Variants in SLIT2 observed in about 807,000 individuals in gnomAD.
SLIT2 encodes slit homolog 2 protein.
SLIT2 carries 41 observed loss-of-function variants against 185.7 expected under a neutral mutation model. The observed-to-expected ratio is 0.22, with a 90% CI of 0.17 to 0.29. SLIT2 has a LOEUF of 0.29. SLIT2 is among the 10% of genes least tolerant of loss of function. SLIT2 has a pLI of 1.00. For missense variants in SLIT2, 1,571 were observed against 1,909.0 expected (o/e 0.82, Z 3.30); for synonymous variants, 693 against 680.2 (o/e 1.02, Z -0.29).
At chr4:20,549,631 G>A (rs1158648891) in intron 24 of SLIT2, among the ~76,000 whole-genome samples, 1 of 151,582 alleles carries the variant, frequency 6.6e-6, no homozygotes, top group African/African-American at 2.4e-5. Context: ...TAGGCCCATG[G>A]CTATATAGCT....
At chr4:20,415,901 T>G (rs536891807) in intron 4 of SLIT2, among the ~76,000 whole-genome samples, 30 of 152,302 alleles carry the variant, frequency 2.0e-4, no homozygotes, top group African/African-American at 6.7e-4. Flanking sequence ...AGATTATAAA[T>G]AGTTTGTGAG....
chr4:20,501,398 A>T (rs148439643), intron 9 of SLIT2, among the ~76,000 whole-genome samples: 1,999 of 152,116 alleles, frequency 0.013, 26 homozygotes, highest in South Asian at 0.073. Flanking sequence ...CAATCCTCCC[A>T]CCTCAGCCTC....
chr4:20,283,436 C>A (rs1714984057), intron 4 of SLIT2, among the ~76,000 whole-genome samples: 1 of 151,920 alleles, frequency 6.6e-6, no homozygotes, highest in African/African-American at 2.4e-5. Flanking sequence ...AGTATTTTTG[C>A]CAAGACCAAT....
rs148529937 is a variant in SLIT2, at chr4:20,587,743, G to A, written c.3089-1901G>A. 8.0e-3 allele frequency among the ~76,000 whole-genome samples: 1,222 copies of A among 152,286 alleles called. 17 individuals carry two copies. The highest frequency in any genetic ancestry group is 0.028 in the African/African-American group (1,157 of 41,550). On this transcript the variant is annotated intron_variant, in intron 29 of 36. Coordinates refer to ENST00000504154, the MANE Select transcript of SLIT2 (RefSeq NM_004787.4). ...AGCAGAGTCCATTACATTCATCCTT[G>A]TAGCTCCAGCCTCTAGCACAACATC... is the stretch of plus-strand genomic sequence containing the variant.
chr4:20,344,431 G>C (rs965531294), intron 4 of SLIT2, among the ~76,000 whole-genome samples: 4 of 151,890 alleles, frequency 2.6e-5, no homozygotes, highest in Non-Finnish European at 5.9e-5. Flanking sequence ...TATTTCTCTC[G>C]GTCTCTCTCT....
At chr4:20,455,912 T>C (rs1313488909) in intron 4 of SLIT2, among the ~76,000 whole-genome samples, 2 of 152,162 alleles carry the variant, frequency 1.3e-5, no homozygotes, top group Non-Finnish European at 2.9e-5. Context: ...TTTCTAGGCA[T>C]TTTTTCAACT....
chr4:20,311,617 A>C (rs1718115532), intron 4 of SLIT2, among the ~76,000 whole-genome samples: 1 of 152,200 alleles, frequency 6.6e-6, no homozygotes, highest in Admixed American at 6.5e-5. Context: ...TGTTCTTAAG[A>C]ATAAGAACAT....
intron 3 of SLIT2, among the ~76,000 whole-genome samples, chr4:20,262,989 T>G (rs1173681062): frequency 1.3e-5 from 2 of 151,762 alleles, no homozygotes; most frequent in Non-Finnish European, 2.9e-5. Context: ...TGGGTCCTCT[T>G]TTGTGACAGT....
intron 4 of SLIT2, among the ~76,000 whole-genome samples, chr4:20,292,977 C>T (rs1484033242): frequency 1.3e-5 from 2 of 151,942 alleles, no homozygotes; most frequent in Non-Finnish European, 2.9e-5. Context: ...GGGGTATCTG[C>T]GAAGGCAATA....
chr4:20,328,452 A>C (rs1228677847), intron 4 of SLIT2, among the ~76,000 whole-genome samples: 1 of 152,028 alleles, frequency 6.6e-6, no homozygotes, highest in African/African-American at 2.4e-5. Flanking sequence ...CAAACTCCTA[A>C]AATTTGCTAT....
chr4:20,364,958 A>G (rs781665605), intron 4 of SLIT2, among the ~76,000 whole-genome samples: 2 of 152,078 alleles, frequency 1.3e-5, no homozygotes, highest in African/African-American at 2.4e-5. Context: ...AACATTTCAG[A>G]TGCACCGTAC....
chr4:20,352,952 G>T (rs1443678465), intron 4 of SLIT2, among the ~76,000 whole-genome samples: 1 of 152,128 alleles, frequency 6.6e-6, no homozygotes, highest in African/African-American at 2.4e-5. Flanking sequence ...GAACAAATTT[G>T]CAGTAAAACA....
intron 34 of SLIT2, among the ~76,000 whole-genome samples, chr4:20,613,402 G>A (rs932688844): frequency 6.6e-6 from 1 of 152,128 alleles, no homozygotes; most frequent in Non-Finnish European, 1.5e-5. Flanking sequence ...ACTAACACAG[G>A]AACAGAAAAA....
intron 5 of SLIT2, among the ~76,000 whole-genome samples, chr4:20,469,824 C>CAGCTCACT: frequency 7.3e-6 from 1 of 137,140 alleles, no homozygotes; most frequent in South Asian, 2.4e-4. Context: ...GGTACAATCT[C>CAGCTCACT]AGCTCACTGC....
At chr4:20,446,299 T>A (rs1711787935) in intron 4 of SLIT2, among the ~76,000 whole-genome samples, 1 of 152,178 alleles carries the variant, frequency 6.6e-6, no homozygotes, top group African/African-American at 2.4e-5. Context: ...TTATCTCTAC[T>A]TTGCGGTAAG....
rs111458382 is a variant in SLIT2, at chr4:20,542,576, C to T, written c.2226C>T (p.Asn742=). Residue 742 remains asparagine, a synonymous_variant, in exon 21 of 37, where the codon AAC becomes AAT. Transcript: ENST00000504154. Reference sequence around the variant, plus strand: ...TGGATACAGTCGTCCGATGTAGCAACAAGGGTTTGAAGGTCTTGCCGAAAG... The same window carrying T: ...TGGATACAGTCGTCCGATGTAGCAATAAGGGTTTGAAGGTCTTGCCGAAAG... The part of the protein sequence containing the change: ...TCLDTVVRCS[N]KGLKVLPKGI... The T allele has an allele frequency of 3.0e-5, 48 of 1,613,878 alleles. No individual in the cohort carries two copies. In the African/African-American group the frequency reaches 5.1e-4, roughly 17 times the overall value.
chr4:20,531,904 G>T, intron 16 of SLIT2, 80 bp from the exon 17 acceptor site: 1 of 733,198 alleles, frequency 1.4e-6, no homozygotes, highest in Non-Finnish European at 2.3e-6. Context: ...AATAATGTTA[G>T]AATTCATTTT....
chr4:20,550,380 T>A lies in SLIT2; in HGVS notation c.2490-447T>A, dbSNP rs185045059. On this transcript the variant is annotated intron_variant, in intron 24 of 36. Coordinates refer to ENST00000504154, the MANE Select transcript of SLIT2 (RefSeq NM_004787.4). Reference sequence around the variant, plus strand: ...ACTCTATGCTTGCAGGGGTTTTTTTTAAATGAAAGAATTAATCCTTATATC... The same window carrying A: ...ACTCTATGCTTGCAGGGGTTTTTTTAAAATGAAAGAATTAATCCTTATATC... Among the ~76,000 whole-genome samples the A allele has an allele frequency of 2.6e-3, 397 of 151,978 alleles. 4 individuals carry two copies. The highest frequency in any genetic ancestry group is 8.9e-3 in the African/African-American group (371 of 41,528).
chr4:20,455,930 A>G (rs1325433646), intron 4 of SLIT2, among the ~76,000 whole-genome samples: 1 of 152,134 alleles, frequency 6.6e-6, no homozygotes, highest in Non-Finnish European at 1.5e-5. Flanking sequence ...ACTGAAGTTG[A>G]ACACATTTTT....
Sources: allele counts gnomAD v4.1 joint callset (sites outside exome capture counted in the v4.1 genomes callset), GRCh38; gene constraint gnomAD v4.1.1; transcripts MANE v1.5; gene names NCBI Gene and HGNC (gene_info 2026-07-23, HGNC 2026-07-21).